Variants in KCNB2 observed in about 807,000 individuals in gnomAD.
KCNB2 encodes the protein potassium voltage-gated channel subfamily B member 2, also known as delayed rectifier potassium channel protein.
KCNB2 carries 15 observed loss-of-function variants against 61.5 expected under a neutral mutation model. The observed-to-expected ratio is 0.24, with a 90% confidence interval of 0.16 to 0.38. KCNB2 has a LOEUF of 0.38. Ranked by LOEUF, KCNB2 falls within the 10% of genes least tolerant of loss-of-function variation. The pLI, the probability that KCNB2 is intolerant of heterozygous loss-of-function variation, is 1.00. For synonymous variants in KCNB2, 457 were observed against 446.0 expected, an observed-to-expected ratio of 1.02 and a Z score of -0.31; for missense variants, 828 against 1,125.2, an observed-to-expected ratio of 0.74 and a Z score of 3.78.
intron 2 of KCNB2, among the ~76,000 whole-genome samples, chr8:72,808,919 T>A (rs1223790532): frequency 6.6e-6 from 1 of 152,180 alleles, no homozygotes; most frequent in African/African-American, 2.4e-5. Context: ...TGAGGTCCCT[T>A]TAATTGTTCA....
At chr8:72,701,039 C>T (rs913450016) in intron 2 of KCNB2, among the ~76,000 whole-genome samples, 9 of 152,032 alleles carry the variant, frequency 5.9e-5, no homozygotes, top group African/African-American at 1.9e-4. Context: ...TACCCATGAA[C>T]GTAAAGATGA....
At chr8:72,627,392 T>G (rs1275737040) in intron 2 of KCNB2, among the ~76,000 whole-genome samples, 2 of 152,240 alleles carry the variant, frequency 1.3e-5, no homozygotes, top group African/African-American at 4.8e-5. Flanking sequence ...ATATTTTCTA[T>G]CATAGACAAC....
At chr8:72,545,261 C>T (rs1806243011) in intron 1 of KCNB2, among the ~76,000 whole-genome samples, 1 of 152,156 alleles carries the variant, frequency 6.6e-6, no homozygotes, top group Non-Finnish European at 1.5e-5. Context: ...CTCCAATATA[C>T]AGGCATACCT....
At chr8:72,598,796 A>G (rs987634113) in intron 2 of KCNB2, among the ~76,000 whole-genome samples, 3 of 152,228 alleles carry the variant, frequency 2.0e-5, no homozygotes, top group Non-Finnish European at 2.9e-5. Flanking sequence ...AAGCATTCTT[A>G]TACACCAATA....
At chr8:72,745,397 C>T (rs1808044122) in intron 2 of KCNB2, among the ~76,000 whole-genome samples, 1 of 152,134 alleles carries the variant, frequency 6.6e-6, no homozygotes, top group African/African-American at 2.4e-5. Context: ...GAGCCACGCT[C>T]ACTCATGACC....
intron 2 of KCNB2, among the ~76,000 whole-genome samples, chr8:72,749,776 A>G (rs62518136): frequency 0.14 from 20,537 of 145,954 alleles, 1,738 homozygotes; most frequent in South Asian, 0.31. Flanking sequence ...TTGTATATAT[A>G]CAAATATTAT....
chr8:72,643,227 A>C (rs1385867803), intron 2 of KCNB2, among the ~76,000 whole-genome samples: 3 of 152,162 alleles, frequency 2.0e-5, no homozygotes, highest in Non-Finnish European at 1.5e-5. Context: ...AGAAGGGTGG[A>C]AAGAAGGAAG....
At chr8:72,714,125 GAACA>G (rs1807377927) in intron 2 of KCNB2, among the ~76,000 whole-genome samples, 1 of 152,086 alleles carries the variant, frequency 6.6e-6, no homozygotes, top group African/African-American at 2.4e-5. Flanking sequence ...GAATGAAAAG[GAACA>G]AACAAAGCCT....
chr8:72,599,003 G>A (rs1229881135), intron 2 of KCNB2, among the ~76,000 whole-genome samples: 16 of 152,232 alleles, frequency 1.1e-4, no homozygotes, highest in Middle Eastern at 6.8e-3. Context: ...AATCAATATC[G>A]TGAAAATGGC....
chr8:72,804,074 T>C (rs896536110), intron 2 of KCNB2, among the ~76,000 whole-genome samples: 6 of 152,110 alleles, frequency 3.9e-5, no homozygotes, highest in African/African-American at 1.2e-4. Flanking sequence ...TGTGAGGACT[T>C]GCAGGCCTTG....
At chr8:72,715,038 C>T (rs1417249437) in intron 2 of KCNB2, among the ~76,000 whole-genome samples, 3 of 151,858 alleles carry the variant, frequency 2.0e-5, no homozygotes, top group Non-Finnish European at 4.4e-5. Flanking sequence ...AGACTTTAAA[C>T]CAACAAAGAT....
intron 2 of KCNB2, among the ~76,000 whole-genome samples, chr8:72,708,877 C>G (rs933806669): frequency 1.3e-5 from 2 of 152,132 alleles, no homozygotes; most frequent in African/African-American, 4.8e-5. Context: ...ATTCTTATTC[C>G]TATCCTATTT....
intron 2 of KCNB2, among the ~76,000 whole-genome samples, chr8:72,774,450 A>G (rs1808613532): frequency 6.6e-6 from 1 of 152,164 alleles, no homozygotes. Context: ...TCCCAGGTTC[A>G]AGCAGTTCTC....
At chr8:72,927,924 G>A (rs927783664) in intron 2 of KCNB2, among the ~76,000 whole-genome samples, 5 of 152,052 alleles carry the variant, frequency 3.3e-5, no homozygotes, top group African/African-American at 1.2e-4. Context: ...CCTTTTCTGT[G>A]TAGAAACCTC....
At chr8:72,783,326 C>T (rs56891445) in intron 2 of KCNB2, among the ~76,000 whole-genome samples, 4,039 of 152,222 alleles carry the variant, frequency 0.027, 63 homozygotes, top group African/African-American at 0.037. Flanking sequence ...CCCCTTACCC[C>T]AGGCTACAAG....
At chr8:72,634,792 G>A (rs1805938872) in intron 2 of KCNB2, among the ~76,000 whole-genome samples, 1 of 152,158 alleles carries the variant, frequency 6.6e-6, no homozygotes, top group Non-Finnish European at 1.5e-5. Context: ...AGCATAAGAA[G>A]ATAATTTCTT....
intron 2 of KCNB2, among the ~76,000 whole-genome samples, chr8:72,582,990 C>T (rs964231941): frequency 2.0e-5 from 3 of 151,574 alleles, no homozygotes; most frequent in South Asian, 2.1e-4. Flanking sequence ...TACTACAAAA[C>T]GTAAAAGAAT....
intron 2 of KCNB2, among the ~76,000 whole-genome samples, chr8:72,888,757 C>T (rs755101648): frequency 6.6e-4 from 101 of 152,246 alleles, no homozygotes; most frequent in Non-Finnish European, 1.1e-3. Context: ...TGCTGCCTCT[C>T]AGTAGAGGGG....
chr8:72,856,565 G>C (rs7822783), intron 2 of KCNB2, among the ~76,000 whole-genome samples: 22,962 of 152,132 alleles, frequency 0.15, 2,366 homozygotes, highest in African/African-American at 0.29. Flanking sequence ...ATGTTGATGG[G>C]ATGAAATATC....
Sources: gnomAD v4.1 joint callset for allele counts (sites outside exome capture counted in the v4.1 genomes callset) on GRCh38, gnomAD v4.1.1 for gene constraint, MANE v1.5 for transcripts, NCBI Gene and HGNC (gene_info 2026-07-23, HGNC 2026-07-21) for gene names.